ABLIM2: variants seen among roughly 807,000 people sequenced by gnomAD.
ABLIM2 encodes the protein actin-binding LIM protein 2.
In ABLIM2, 53 loss-of-function variants were observed where a neutral mutation model predicts 97.7. The observed-to-expected ratio is 0.54, with a 90% CI of 0.44 to 0.68. ABLIM2 has a LOEUF of 0.68. ABLIM2 is among the 30% of genes least tolerant of loss of function. ABLIM2 has a pLI of 0.00. For synonymous variants in ABLIM2, 361 were observed against 345.8 expected (o/e 1.04, Z -0.49); for missense variants, 835 against 867.2 (o/e 0.96, Z 0.47).
intron 1 of ABLIM2, among the ~76,000 whole-genome samples, chr4:8,114,725 T>A (rs1264961840): frequency 6.6e-6 from 1 of 152,148 alleles, no homozygotes; most frequent in African/African-American, 2.4e-5. Flanking sequence ...CAATCCCCCA[T>A]TAAGCAAAGA....
chr4:7,974,692 TCCATCCACCCACCCATGCATCTATCCAC>T (rs1307431376), intron 20 of ABLIM2, among the ~76,000 whole-genome samples: 1 of 150,298 alleles, frequency 6.7e-6, no homozygotes, highest in Non-Finnish European at 1.5e-5. Context: ...CACCAACCCA[TCCATCCACCCACCCATGCATCTATCCAC>T]CCATCCATCC....
chr4:7,973,112 T>TGTGG (rs1729570150), intron 20 of ABLIM2, among the ~76,000 whole-genome samples: 1 of 145,958 alleles, frequency 6.9e-6, no homozygotes, highest in African/African-American at 2.5e-5. Flanking sequence ...TGTGTGTGTG[T>TGTGG]AGGGTGAGGG....
rs1811964447 is a variant in ABLIM2 at position 8,071,450 on chromosome 4, C to T, written c.675+6178G>A. Among the ~76,000 whole-genome samples the T allele has an allele frequency of 6.6e-6, 1 of 152,136 alleles. No homozygotes were observed. Among genetic ancestry groups the T allele is most frequent in the South Asian group, 2.1e-4 (1 of 4,836 alleles). On this transcript the variant is annotated intron_variant, in intron 6 of 20. Coordinates refer to ENST00000447017, the MANE Select transcript of ABLIM2 (RefSeq NM_001130083.2). This position sits in a 1 kb window ranked among gnomAD's most constrained non-coding sequence, Gnocchi z 6.2. ...CGGGGAAGGAAAACCCCACTGTCACCACCAAATGCACATTTCGCGGGCAGG... is the reference window on the plus strand; with the variant it reads ...CGGGGAAGGAAAACCCCACTGTCACTACCAAATGCACATTTCGCGGGCAGG...
rs1840613037 is a variant in ABLIM2 at position 8,112,045 on chromosome 4, T to C, written c.11-5408A>G. Among the ~76,000 whole-genome samples, 1 of 151,876 alleles carries C rather than the reference T, an allele frequency of 6.6e-6. No homozygotes were observed. Among genetic ancestry groups the C allele is most frequent in the South Asian group, 2.1e-4 (1 of 4,820 alleles). ...CTTAACAAGTCTCTAACTGTGATAA[T>C]AACATAGAACATAAACTCAAGTGCT... On this transcript the variant is annotated intron_variant, in intron 1 of 20. Transcript: ENST00000447017. This position sits in a 1 kb window ranked among gnomAD's most constrained non-coding sequence, Gnocchi z 4.2.
In ABLIM2 at chr4:8,008,104, C is replaced by A; in HGVS notation, c.1573G>T (p.Asp525Tyr). The change falls in exon 16 of 21, where the codon GAC becomes TAC. Residue 525 changes from aspartate (D) to tyrosine (Y), a missense_variant. Asp to Tyr is a radical substitution (Grantham distance 160). Transcript: ENST00000447017. ...TQSLSHSSGT[D>Y]RDPLQRMAGD... ...GCCATCCTTTGGAGAGGGTCTCTGT[C>A]GGTCCCGCTGCTGTGGGACAAGGAC... The A allele has an allele frequency of 6.2e-7, 1 of 1,614,044 alleles. No individual in the cohort carries two copies. Among genetic ancestry groups the A allele is most frequent in the Non-Finnish European group, 8.5e-7 (1 of 1,179,906 alleles).
rs1319265674 is a variant in ABLIM2 at position 8,003,126 on chromosome 4, A to G, written c.1618+4933T>C. ...CACCAAGCACTCATGAAATACAGAG[A>G]GATGCCCCTTGGCTTACCACGGGCT... On this transcript the variant is annotated intron_variant, in intron 16 of 20. Coordinates refer to ENST00000447017, the MANE Select transcript of ABLIM2 (RefSeq NM_001130083.2). This position sits in a 1 kb window ranked among gnomAD's most constrained non-coding sequence, Gnocchi z 4.2. 1.3e-5 allele frequency among the ~76,000 whole-genome samples: 2 copies of G among 152,214 alleles called. No individual in the cohort carries two copies. Among genetic ancestry groups the G allele is most frequent in the Non-Finnish European group, 2.9e-5 (2 of 68,044 alleles).
intron 20 of ABLIM2, among the ~76,000 whole-genome samples, chr4:7,973,772 G>T (rs1730268725): frequency 1.3e-5 from 2 of 152,240 alleles, no homozygotes; most frequent in Admixed American, 1.3e-4. Context: ...CCTCAGGCCA[G>T]ACAACAAGTC....
intron 7 of ABLIM2, 62 bp downstream of exon 7, chr4:8,060,905 G>T: frequency 1.5e-6 from 2 of 1,378,182 alleles, no homozygotes; most frequent in Non-Finnish European, 1.0e-6. Flanking sequence ...CAGCATGTGT[G>T]TGGACATCGA....
rs559897833 is a variant in ABLIM2, at chr4:8,037,307, C to T, written c.901-1012G>A. ...ATACGCACACATGCACACACACACGCACATGCATGCGCACACATGCACACA... is the reference window on the plus strand; with the variant it reads ...ATACGCACACATGCACACACACACGTACATGCATGCGCACACATGCACACA... On this transcript the variant is annotated intron_variant, in intron 9 of 20. Transcript: ENST00000447017. Among the ~76,000 whole-genome samples the T allele has an allele frequency of 6.2e-4, 94 of 151,114 alleles. 2 individuals are homozygous for T. In the South Asian group the frequency reaches 0.019, roughly 30 times the overall value.
rs984424824 is a variant in ABLIM2 at position 8,087,440 on chromosome 4, C to T, written c.454+729G>A. 6.6e-6 allele frequency among the ~76,000 whole-genome samples: 1 copy of T among 152,204 alleles called. No individual in the cohort carries two copies. Among genetic ancestry groups the T allele is most frequent in the Non-Finnish European group, 1.5e-5 (1 of 68,032 alleles). ...TAATTCAGGAAGCATCTTGAGCCCC[C>T]ACTGCATACACACCTGGCCTAACTC... On this transcript the variant is annotated intron_variant, in intron 4 of 20. Coordinates refer to ENST00000447017, the MANE Select transcript of ABLIM2 (RefSeq NM_001130083.2). The surrounding 1 kb of genome is among the most constrained non-coding windows in gnomAD (Gnocchi z 4.6).
chr4:8,029,786 A>G lies in ABLIM2; in HGVS notation c.1048-10T>C, dbSNP rs1229413659. 3 of 1,567,860 alleles carry G rather than the reference A, an allele frequency of 1.9e-6. No individual in the cohort carries two copies. Among genetic ancestry groups the G allele is most frequent in the South Asian group, 2.4e-5 (2 of 85,000 alleles). On this transcript the variant is annotated splice_polypyrimidine_tract_variant and intron_variant, in intron 10 of 20. Coordinates refer to ENST00000447017, the MANE Select transcript of ABLIM2 (RefSeq NM_001130083.2). The stretch of plus-strand genomic sequence containing the variant: ...GGTCATCCTGATCCCCCTGGGAGGG[A>G]AGATGCAGCTTGTGAACACTGGAGC...
At chr4:8,106,744 G>C (rs13140321) in intron 1 of ABLIM2, 107 bp from the exon 2 acceptor site, 23 of 1,348,910 alleles carry the variant, frequency 1.7e-5, no homozygotes, top group Middle Eastern at 1.9e-4. Context: ...AGCGGGCCCC[G>C]CACCCACCAG....
At chr4:8,079,720 C>T (rs1013130042) in intron 5 of ABLIM2, among the ~76,000 whole-genome samples, 5 of 152,128 alleles carry the variant, frequency 3.3e-5, no homozygotes, top group African/African-American at 4.8e-5. Context: ...ATTCAGGTTC[C>T]GTGTGACATG....
intron 17 of ABLIM2, among the ~76,000 whole-genome samples, chr4:7,985,134 G>A (rs558072970): frequency 3.7e-4 from 56 of 152,308 alleles, no homozygotes; most frequent in African/African-American, 1.3e-3. Flanking sequence ...GATGCCCACT[G>A]CCTGGGCGGT....
intron 1 of ABLIM2, among the ~76,000 whole-genome samples, chr4:8,137,466 G>A (rs2152939737): frequency 6.6e-6 from 1 of 152,322 alleles, no homozygotes; most frequent in East Asian, 1.9e-4. Context: ...TGGGTGAAGG[G>A]GCAGGGGAGC....
chr4:8,129,023 G>A (rs370613953), intron 1 of ABLIM2, among the ~76,000 whole-genome samples: 7 of 151,492 alleles, frequency 4.6e-5, no homozygotes, highest in African/African-American at 1.5e-4. Context: ...ATCCTACCTG[G>A]CTGCCCCCAG....
In ABLIM2 at chr4:8,124,038, C is replaced by T. The variant is rs1444759610; in HGVS notation, c.11-17401G>A. ...TTACTGAGACGACCACTCTTAACAG[C>T]TCAGCGGCTGCTCTACCATGTGCTT... On this transcript the variant is annotated intron_variant, in intron 1 of 20. Transcript: ENST00000447017. The surrounding 1 kb of genome is among the most constrained non-coding windows in gnomAD (Gnocchi z 6.1). Among the ~76,000 whole-genome samples the T allele has an allele frequency of 6.6e-6, 1 of 152,212 alleles. No homozygotes were observed. Among genetic ancestry groups the T allele is most frequent in the Non-Finnish European group, 1.5e-5 (1 of 68,034 alleles).
chr4:8,071,708 G>T lies in ABLIM2; in HGVS notation c.675+5920C>A. 4.1e-6 allele frequency: 2 copies of T among 491,488 alleles called. No homozygotes were observed. The highest frequency in any genetic ancestry group is 5.2e-6 in the Non-Finnish European group (2 of 382,906). 30.4% of individuals were successfully genotyped at this position (491,488 alleles called of 1,614,324 possible). A position where few individuals can be genotyped will look rare whatever the true frequency, so the allele number is the denominator to read the frequency against. ...GTCCCCAAAAACCCACCCACCCGCA[G>T]CCCCTCCTGGCCCCTGTGAGCCCCC... On this transcript the variant is annotated intron_variant, in intron 6 of 20. Transcript: ENST00000447017. This position sits in a 1 kb window ranked among gnomAD's most constrained non-coding sequence, Gnocchi z 6.2.
rs1740461891 is a variant in ABLIM2, at chr4:7,983,357, G to A, written c.1744-13C>T. On this transcript the variant is annotated splice_polypyrimidine_tract_variant and intron_variant, in intron 19 of 20. Coordinates refer to ENST00000447017, the MANE Select transcript of ABLIM2 (RefSeq NM_001130083.2). ...CATACGGATAGATCTGTTGGGGGAG[G>A]AAACCACAGGGTCACCTCACGAAGC... 3 of 1,609,510 alleles carry A rather than the reference G, an allele frequency of 1.9e-6. No individual in the cohort carries two copies. Among genetic ancestry groups the A allele is most frequent in the Non-Finnish European group, 2.5e-6 (3 of 1,178,222 alleles).
Sources: allele counts gnomAD v4.1 joint callset (sites outside exome capture counted in the v4.1 genomes callset), GRCh38; gene constraint gnomAD v4.1.1; non-coding constraint Gnocchi (gnomAD v3.1); transcripts MANE v1.5; gene names NCBI Gene and HGNC (gene_info 2026-07-23, HGNC 2026-07-21).